FAM107B: variants seen among roughly 807,000 people sequenced by gnomAD.
FAM107B encodes protein FAM107B.
FAM107B carries 21 observed loss-of-function variants against 31.5 expected under a neutral mutation model. That is an observed-to-expected ratio of 0.67 (90% CI 0.47 to 0.96). The LOEUF (loss-of-function observed/expected upper bound fraction) is 0.96. FAM107B is among the 40% of genes least tolerant of loss of function. The pLI is 0.00. For synonymous variants in FAM107B, 157 were observed against 141.5 expected, an observed-to-expected ratio of 1.11 and a Z score of -0.78; for missense variants, 452 against 377.1, an observed-to-expected ratio of 1.20 and a Z score of -1.64.
intron 2 of FAM107B, among the ~76,000 whole-genome samples, chr10:14,651,295 C>T (rs536065468): frequency 6.6e-6 from 1 of 152,280 alleles, no homozygotes; most frequent in South Asian, 2.1e-4. Flanking sequence ...GCCATCTCTG[C>T]CATGTGTGGA....
At chr10:14,524,678 T>C (rs1442449384) in intron 3 of FAM107B, among the ~76,000 whole-genome samples, 1 of 152,356 alleles carries the variant, frequency 6.6e-6, no homozygotes, top group Non-Finnish European at 1.5e-5. Flanking sequence ...TTCATGACTA[T>C]CAAAAAGTCT....
At chr10:14,667,723 G>A (rs956807892) in intron 1 of FAM107B, 32 bp from the exon 2 acceptor site, 3 of 1,612,082 alleles carry the variant, frequency 1.9e-6, no homozygotes, top group Non-Finnish European at 2.5e-6. Flanking sequence ...CAGAAAAGCA[G>A]GGAGAAAGTA....
At position 14,530,338 on chromosome 10, in the gene FAM107B, TGA is replaced by T. The variant is rs1437166646; in HGVS notation, c.645_646del (p.Asn215LysfsTer39). 6.2e-7 allele frequency: 1 copy of T among 1,603,290 alleles called. No individual in the cohort carries two copies. Among genetic ancestry groups the T allele is most frequent in the Non-Finnish European group, 8.5e-7 (1 of 1,177,326 alleles). On this transcript the variant is annotated frameshift_variant, in exon 3 of 5. Coordinates refer to ENST00000181796, the MANE Select transcript of FAM107B (RefSeq NM_031453.4). LOFTEE classifies it high-confidence loss of function. ...GCTCAAGAAACCATTTTACCTTTTT[TGA>T]TTCATAAGAAGTTCTCTGTGAAGAT...
chr10:14,763,231 C>G (rs1322256944), intron 1 of FAM107B, among the ~76,000 whole-genome samples: 2 of 152,140 alleles, frequency 1.3e-5, no homozygotes, highest in African/African-American at 4.8e-5. Flanking sequence ...CACTGCACTC[C>G]AGCCTGGTGA....
At chr10:14,547,493 C>G (rs1446519996) in intron 2 of FAM107B, among the ~76,000 whole-genome samples, 2 of 152,184 alleles carry the variant, frequency 1.3e-5, no homozygotes, top group Non-Finnish European at 2.9e-5. Flanking sequence ...TTGAGCATCC[C>G]TTATCCGAAA....
At chr10:14,761,776 T>A (rs745360244) in intron 1 of FAM107B, among the ~76,000 whole-genome samples, 22 of 151,188 alleles carry the variant, frequency 1.5e-4, no homozygotes, top group Non-Finnish European at 2.9e-4. Flanking sequence ...TTTTGTATTT[T>A]TAGTAGAGGG....
At chr10:14,651,275 T>A (rs1176103808) in intron 2 of FAM107B, among the ~76,000 whole-genome samples, 1 of 152,160 alleles carries the variant, frequency 6.6e-6, no homozygotes, top group Non-Finnish European at 1.5e-5. Context: ...GAATATTGGA[T>A]AAACATCTGG....
At chr10:14,531,065 C>T (rs184923340) in intron 2 of FAM107B, among the ~76,000 whole-genome samples, 314 of 152,324 alleles carry the variant, frequency 2.1e-3, no homozygotes, top group African/African-American at 6.9e-3. Flanking sequence ...TCACCCTCCA[C>T]CAGACTCTAA....
intron 1 of FAM107B, among the ~76,000 whole-genome samples, chr10:14,719,810 C>A (rs1318109401): frequency 2.8e-5 from 4 of 141,502 alleles, no homozygotes; most frequent in African/African-American, 4.9e-5. Flanking sequence ...TCCCTCTCAT[C>A]CAAAGGGTGG....
In FAM107B at chr10:14,717,550, G is replaced by A. The variant is rs533947284; in HGVS notation, c.412-49859C>T. ...GAAGAACCTGGAGTCTGATGTCCAAGGGCAAGAGGAGGGGAAGCAAACATC... is the reference window on the plus strand; with the variant it reads ...GAAGAACCTGGAGTCTGATGTCCAAAGGCAAGAGGAGGGGAAGCAAACATC... On this transcript the variant is annotated intron_variant, in intron 1 of 4. Coordinates refer to ENST00000181796, the MANE Select transcript of FAM107B (RefSeq NM_031453.4). 2.6e-5 allele frequency among the ~76,000 whole-genome samples: 4 copies of A among 152,314 alleles called. No homozygotes were observed. In the East Asian group the frequency reaches 7.7e-4, roughly 29 times the overall value.
intron 1 of FAM107B, among the ~76,000 whole-genome samples, chr10:14,703,968 G>C (rs956651345): frequency 6.6e-6 from 1 of 152,208 alleles, no homozygotes; most frequent in African/African-American, 2.4e-5. Context: ...GGAAAAGAAA[G>C]AGAAAAATGC....
chr10:14,758,182 C>T (rs549243105), intron 1 of FAM107B, among the ~76,000 whole-genome samples: 48 of 152,310 alleles, frequency 3.2e-4, no homozygotes, highest in Middle Eastern at 3.4e-3. Context: ...CTTCCTTTTC[C>T]CTTCCTACTT....
At chr10:14,733,790 CTCTG>C (rs1446297569) in intron 1 of FAM107B, among the ~76,000 whole-genome samples, 1 of 152,248 alleles carries the variant, frequency 6.6e-6, no homozygotes, top group Non-Finnish European at 1.5e-5. Flanking sequence ...TCAAGTCCAA[CTCTG>C]TCTGATTCCA....
At chr10:14,772,893 T>A (rs1271206132) in intron 1 of FAM107B, among the ~76,000 whole-genome samples, 1 of 152,180 alleles carries the variant, frequency 6.6e-6, no homozygotes, top group Non-Finnish European at 1.5e-5. Context: ...TGCGGCTGTC[T>A]TCAGTAATAT....
intron 1 of FAM107B, among the ~76,000 whole-genome samples, chr10:14,725,996 T>G (rs1856026432): frequency 6.6e-6 from 1 of 151,000 alleles, no homozygotes; most frequent in Non-Finnish European, 1.5e-5. Context: ...CGGCTAATTT[T>G]TTTTTTTCCT....
At chr10:14,713,020 C>A (rs1855688628) in intron 1 of FAM107B, among the ~76,000 whole-genome samples, 2 of 152,138 alleles carry the variant, frequency 1.3e-5, no homozygotes. Context: ...TTCAGGGTGA[C>A]CCTGCTCCTC....
At chr10:14,703,566 C>T (rs1342884718) in intron 1 of FAM107B, among the ~76,000 whole-genome samples, 3 of 152,090 alleles carry the variant, frequency 2.0e-5, no homozygotes, top group Non-Finnish European at 1.5e-5. Flanking sequence ...AACTCCTGGC[C>T]TCAAGTGATA....
At chr10:14,564,037 G>C (rs914646799) in intron 2 of FAM107B, among the ~76,000 whole-genome samples, 2 of 151,714 alleles carry the variant, frequency 1.3e-5, no homozygotes, top group African/African-American at 2.4e-5. Flanking sequence ...GTTTATTATT[G>C]TTTGTTATTT....
intron 2 of FAM107B, among the ~76,000 whole-genome samples, chr10:14,536,227 C>G (rs1847588365): frequency 6.6e-6 from 1 of 152,216 alleles, no homozygotes; most frequent in Non-Finnish European, 1.5e-5. Flanking sequence ...TCTAGAAGCA[C>G]TAATACTTGA....
Sources: gnomAD v4.1 joint callset for allele counts (sites outside exome capture counted in the v4.1 genomes callset) on GRCh38, gnomAD v4.1.1 for gene constraint, MANE v1.5 for transcripts, NCBI Gene and HGNC (gene_info 2026-07-23, HGNC 2026-07-21) for gene names.